GRIK2: variants seen among roughly 807,000 people sequenced by gnomAD.
The protein encoded by GRIK2 is glutamate ionotropic receptor kainate type subunit 2.
In GRIK2, 32 loss-of-function variants were observed where a neutral mutation model predicts 100.3. The ratio of observed to expected loss-of-function variants is 0.32; its 90% CI spans 0.24 to 0.43. The LOEUF (loss-of-function observed/expected upper bound fraction) is 0.43. Among genes scored for constraint, GRIK2 ranks in the 20% least tolerant of loss-of-function variants. GRIK2 has a pLI of 1.00. For synonymous variants in GRIK2, 417 were observed against 389.4 expected, an observed-to-expected ratio of 1.07 and a Z score of -0.83; for missense variants, 843 against 1,114.9, an observed-to-expected ratio of 0.76 and a Z score of 3.47.
chr6:101,941,059 T>C (rs1009210872), intron 14 of GRIK2, among the ~76,000 whole-genome samples: 4 of 152,180 alleles, frequency 2.6e-5, no homozygotes, highest in South Asian at 4.1e-4. Context: ...TCAGTTTAAA[T>C]GATTTCTTCT....
chr6:101,553,588 C>T (rs563887295), intron 2 of GRIK2, among the ~76,000 whole-genome samples: 1 of 151,848 alleles, frequency 6.6e-6, no homozygotes, highest in Non-Finnish European at 1.5e-5. Context: ...GAGTTTAAAC[C>T]CAACTGTAAT....
intron 7 of GRIK2, among the ~76,000 whole-genome samples, chr6:101,686,673 G>C (rs76592174): frequency 1.3e-5 from 2 of 152,070 alleles, no homozygotes; most frequent in African/African-American, 2.4e-5. Flanking sequence ...ACATCTGGTA[G>C]TTATCCTTCT....
chr6:101,579,400 C>CTT (rs1441334222), intron 2 of GRIK2, among the ~76,000 whole-genome samples: 3 of 151,930 alleles, frequency 2.0e-5, no homozygotes, highest in African/African-American at 7.2e-5. Context: ...GCTCTCTTTT[C>CTT]TTTTCTCTTT....
Position 101,743,516 on chromosome 6 carries a change from A to G in GRIK2, c.952-56132A>G, listed in dbSNP as rs1456066493. Among the ~76,000 whole-genome samples, 3 of 152,098 alleles carry G rather than the reference A, an allele frequency of 2.0e-5. No individual in the cohort carries two copies. In the East Asian group the frequency reaches 5.8e-4, roughly 29 times the overall value. ...TAGACCAGCTAATAGCTGTCTTCCT[A>G]ATGCTTCTTTATCTTGGCCTTTAGA... is the stretch of plus-strand genomic sequence containing the variant. On this transcript the variant is annotated intron_variant, in intron 7 of 16. Coordinates refer to ENST00000369134, the MANE Select transcript of GRIK2 (RefSeq NM_021956.5).
intron 2 of GRIK2, among the ~76,000 whole-genome samples, chr6:101,500,218 C>T (rs1773676308): frequency 6.6e-6 from 1 of 151,762 alleles, no homozygotes. Flanking sequence ...GTGTTTTTTT[C>T]CCAAAGAAAA....
At chr6:101,715,665 T>C (rs1288448057) in intron 7 of GRIK2, among the ~76,000 whole-genome samples, 2 of 151,742 alleles carry the variant, frequency 1.3e-5, no homozygotes, top group Non-Finnish European at 2.9e-5. Context: ...ATTAATCCCA[T>C]GTTATGAAAA....
At chr6:101,765,513 G>T (rs1014556667) in intron 7 of GRIK2, among the ~76,000 whole-genome samples, 10 of 152,022 alleles carry the variant, frequency 6.6e-5, no homozygotes, top group African/African-American at 2.4e-4. Flanking sequence ...ATAGTGGAAT[G>T]ATTCAATTAT....
At chr6:101,890,034 G>A (rs2128457343) in intron 12 of GRIK2, 171 bp downstream of exon 12, 1 of 594,794 alleles carries the variant, frequency 1.7e-6, no homozygotes, top group South Asian at 2.1e-5. Context: ...GTACTGTCCT[G>A]TCTTTGTGGG....
intron 4 of GRIK2, among the ~76,000 whole-genome samples, chr6:101,634,656 A>G (rs1239086048): frequency 6.6e-6 from 1 of 152,090 alleles, no homozygotes; most frequent in East Asian, 1.9e-4. Flanking sequence ...GCAGCCATGG[A>G]GATAAATATA....
At chr6:102,064,153 T>G (rs1344902462) in intron 16 of GRIK2, 1 of 630,460 alleles carries the variant, frequency 1.6e-6, no homozygotes, top group African/African-American at 1.9e-5. Flanking sequence ...CCTTATTTAA[T>G]GACACAGTGC....
In GRIK2 at chr6:101,478,658, C is replaced by T. The variant is rs542090277; in HGVS notation, c.115+79266C>T. Among the ~76,000 whole-genome samples, 26 of 151,670 alleles carry T rather than the reference C, an allele frequency of 1.7e-4. 1 individual carries two copies. Among genetic ancestry groups the T allele is most frequent in the Middle Eastern group, 6.8e-3 (2 of 294 alleles). ...CCTCCCGAGTAGCTGGGACTACAGG[C>T]GCCTGCCACCACACCTGGCTAATAT... is the stretch of plus-strand genomic sequence containing the variant. On this transcript the variant is annotated intron_variant, in intron 2 of 16. Transcript: ENST00000369134.
Position 101,963,422 on chromosome 6 carries a change from C to T in GRIK2, c.2085+34790C>T, listed in dbSNP as rs1338186270. 1.2e-4 allele frequency among the ~76,000 whole-genome samples: 18 copies of T among 146,378 alleles called. 1 individual carries two copies. Among genetic ancestry groups the T allele is most frequent in the Admixed American group, 8.2e-4 (12 of 14,652 alleles). On this transcript the variant is annotated intron_variant, in intron 14 of 16. Coordinates refer to ENST00000369134, the MANE Select transcript of GRIK2 (RefSeq NM_021956.5). Reference sequence around the variant, plus strand: ...ATGCCATTCTCCTGCCTCAGTCTCCCGAGTAGCTGGGACTACAGGCGCCTG... The same window carrying T: ...ATGCCATTCTCCTGCCTCAGTCTCCTGAGTAGCTGGGACTACAGGCGCCTG...
chr6:101,843,649 G>T (rs1783644007), intron 10 of GRIK2, among the ~76,000 whole-genome samples: 1 of 152,106 alleles, frequency 6.6e-6, no homozygotes, highest in African/African-American at 2.4e-5. Context: ...ACGTCCCCAT[G>T]AATCTGGCCC....
rs535069147 is a variant in GRIK2 at position 101,977,783 on chromosome 6, T to G, written c.2085+49151T>G. On this transcript the variant is annotated intron_variant, in intron 14 of 16. Transcript: ENST00000369134. ...CAGGCATCCCACCTCTTCCACACAA[T>G]CCTCTAAGCCTTTTTTGACCGCACT... 2.6e-5 allele frequency among the ~76,000 whole-genome samples: 4 copies of G among 152,128 alleles called. No homozygotes were observed. The South Asian group carries it at 8.3e-4, about 31-fold the overall frequency.
intron 2 of GRIK2, among the ~76,000 whole-genome samples, chr6:101,438,947 A>G (rs963579425): frequency 3.3e-5 from 5 of 152,126 alleles, no homozygotes; most frequent in African/African-American, 1.2e-4. Context: ...GTTGTTGATA[A>G]GTGTATAGAA....
At chr6:101,735,700 GA>G (rs1420362274) in intron 7 of GRIK2, among the ~76,000 whole-genome samples, 3 of 152,114 alleles carry the variant, frequency 2.0e-5, no homozygotes, top group Non-Finnish European at 2.9e-5. Flanking sequence ...GGAATTATGA[GA>G]GCTATAAGAT....
chr6:101,547,497 C>A (rs947307474), intron 2 of GRIK2, among the ~76,000 whole-genome samples: 1 of 152,118 alleles, frequency 6.6e-6, no homozygotes, highest in African/African-American at 2.4e-5. Flanking sequence ...AGGACCCAGT[C>A]TGTGATGTTC....
chr6:101,485,086 A>G (rs773133445), intron 2 of GRIK2, among the ~76,000 whole-genome samples: 34 of 152,212 alleles, frequency 2.2e-4, no homozygotes, highest in Admixed American at 3.3e-4. Flanking sequence ...CTAAACACAG[A>G]TCATTTGCTT....
intron 10 of GRIK2, among the ~76,000 whole-genome samples, chr6:101,853,830 A>G (rs1784272711): frequency 6.6e-6 from 1 of 152,206 alleles, no homozygotes. Context: ...GTGAAAGAAA[A>G]CAATCTGAAA....
Sources: allele counts gnomAD v4.1 joint callset (sites outside exome capture counted in the v4.1 genomes callset), GRCh38; gene constraint gnomAD v4.1.1; transcripts MANE v1.5; gene names NCBI Gene and HGNC (gene_info 2026-07-23, HGNC 2026-07-21).